GALNT18: variants seen among roughly 807,000 people sequenced by gnomAD.
GALNT18 encodes polypeptide N-acetylgalactosaminyltransferase 18, also known as GalNAc-transferase 18.
Under a neutral mutation model 69.5 loss-of-function variants are expected in GALNT18, and 44 were observed. The ratio of observed to expected loss-of-function variants is 0.63; its 90% CI spans 0.50 to 0.81. The LOEUF (loss-of-function observed/expected upper bound fraction) is 0.81, where lower values mean the gene tolerates loss of function less well. Among genes scored for constraint, GALNT18 ranks in the 40% least tolerant of loss-of-function variants. GALNT18 has a pLI of 0.00. For missense variants in GALNT18, 715 were observed against 810.0 expected, an observed-to-expected ratio of 0.88 and a Z score of 1.42; for synonymous variants, 364 against 318.2, an observed-to-expected ratio of 1.14 and a Z score of -1.53.
intron 1 of GALNT18, among the ~76,000 whole-genome samples, chr11:11,501,646 T>C (rs1411132190): frequency 6.6e-6 from 1 of 152,160 alleles, no homozygotes; most frequent in East Asian, 1.9e-4. Context: ...CTACCTTGCC[T>C]GAGTTTGTGA....
At chr11:11,409,744 T>C (rs1244957752) in intron 3 of GALNT18, among the ~76,000 whole-genome samples, 2 of 152,160 alleles carry the variant, frequency 1.3e-5, no homozygotes, top group Non-Finnish European at 2.9e-5. Context: ...CAAATTACTA[T>C]GTGAGTTGGA....
chr11:11,471,390 G>A (rs969469623), intron 1 of GALNT18, among the ~76,000 whole-genome samples: 2 of 152,290 alleles, frequency 1.3e-5, no homozygotes, highest in Non-Finnish European at 1.5e-5. Flanking sequence ...AGTCATGTAG[G>A]ACTGGTCCAG....
rs11021847 is a variant in GALNT18, at chr11:11,421,608, C to T, written c.595+11013G>A. ...TGACAGGAAACAGAGGCAGGCCAAA[C>T]GCAGGACCAATGCAGAGAAGGTTGG... On this transcript the variant is annotated intron_variant, in intron 3 of 10. Coordinates refer to ENST00000227756, the MANE Select transcript of GALNT18 (RefSeq NM_198516.3). This position sits in a 1 kb window ranked among gnomAD's most constrained non-coding sequence, Gnocchi z 5.6. 0.072 allele frequency among the ~76,000 whole-genome samples: 10,900 copies of T among 152,058 alleles called. 585 individuals carry two copies. Among genetic ancestry groups the T allele is most frequent in the East Asian group, 0.18 (925 of 5,146 alleles).
At chr11:11,391,023 C>T (rs1044528341) in intron 3 of GALNT18, among the ~76,000 whole-genome samples, 1 of 152,178 alleles carries the variant, frequency 6.6e-6, no homozygotes, top group African/African-American at 2.4e-5. Flanking sequence ...AGTCTGAACT[C>T]CTTTGCTCCC....
chr11:11,360,353 G>T (rs568195824), intron 6 of GALNT18, among the ~76,000 whole-genome samples: 59 of 152,294 alleles, frequency 3.9e-4, no homozygotes, highest in African/African-American at 1.4e-3. Flanking sequence ...TCAGCCTTGC[G>T]TTTTGACCCT....
At chr11:11,388,704 T>C (rs1854110555) in intron 3 of GALNT18, among the ~76,000 whole-genome samples, 1 of 152,170 alleles carries the variant, frequency 6.6e-6, no homozygotes, top group Non-Finnish European at 1.5e-5. Context: ...AGGGCTGGTC[T>C]AACGCTCTGT....
At chr11:11,279,481 G>C (rs570857846) in intron 10 of GALNT18, among the ~76,000 whole-genome samples, 1 of 152,032 alleles carries the variant, frequency 6.6e-6, no homozygotes, top group Non-Finnish European at 1.5e-5. Flanking sequence ...TCTAGAACAC[G>C]ATTTATAAAA....
chr11:11,431,036 C>T (rs1855251599), intron 3 of GALNT18, among the ~76,000 whole-genome samples: 1 of 152,194 alleles, frequency 6.6e-6, no homozygotes. Flanking sequence ...ATTTCTCAGA[C>T]TCAATATCAG....
At chr11:11,502,918 A>G (rs1321365308) in intron 1 of GALNT18, among the ~76,000 whole-genome samples, 1 of 152,150 alleles carries the variant, frequency 6.6e-6, no homozygotes, top group Admixed American at 6.5e-5. Context: ...AAGCACAGTC[A>G]CTCATTTTCT....
chr11:11,584,169 T>C lies in GALNT18; in HGVS notation c.235+37190A>G, dbSNP rs1167360557. ...AGATTCCAGGGAACTTGGTTCCAAA[T>C]GGTAGGACAAGTGGGCCAGCGGCAA... is the stretch of plus-strand genomic sequence containing the variant. On this transcript the variant is annotated intron_variant, in intron 1 of 10. Coordinates refer to ENST00000227756, the MANE Select transcript of GALNT18 (RefSeq NM_198516.3). This position sits in a 1 kb window ranked among gnomAD's most constrained non-coding sequence, Gnocchi z 4.1. 6.6e-6 allele frequency among the ~76,000 whole-genome samples: 1 copy of C among 151,874 alleles called. No individual in the cohort carries two copies. Among genetic ancestry groups the C allele is most frequent in the Non-Finnish European group, 1.5e-5 (1 of 67,982 alleles).
chr11:11,366,260 C>A (rs1398028944), intron 6 of GALNT18, among the ~76,000 whole-genome samples: 1 of 152,144 alleles, frequency 6.6e-6, no homozygotes, highest in African/African-American at 2.4e-5. Context: ...GTTTTCTTAG[C>A]TTGCAACACA....
intron 3 of GALNT18, among the ~76,000 whole-genome samples, chr11:11,401,561 A>G (rs1854468042): frequency 1.3e-5 from 2 of 152,126 alleles, no homozygotes; most frequent in Admixed American, 6.6e-5. Flanking sequence ...CTGAGCATAC[A>G]CTCATCTTCT....
chr11:11,273,900 CTG>C (rs1316151047), intron 10 of GALNT18, among the ~76,000 whole-genome samples: 1 of 152,068 alleles, frequency 6.6e-6, no homozygotes, highest in African/African-American at 2.4e-5. Flanking sequence ...GTCAAGATGG[CTG>C]AATAGGAATA....
chr11:11,437,639 A>T (rs1855434010), intron 2 of GALNT18, among the ~76,000 whole-genome samples: 1 of 151,724 alleles, frequency 6.6e-6, no homozygotes, highest in South Asian at 2.1e-4. Flanking sequence ...GCCAAACCTC[A>T]TGCGCTATAG....
At chr11:11,357,334 G>C (rs1289889080) in intron 6 of GALNT18, among the ~76,000 whole-genome samples, 3 of 151,980 alleles carry the variant, frequency 2.0e-5, no homozygotes, top group African/African-American at 7.3e-5. Context: ...CTGCCTGCAA[G>C]CAGGCACTAG....
rs1169173396 is a variant in GALNT18 at position 11,358,930 on chromosome 11, T to A, written c.1092+13585A>T. Reference sequence around the variant, plus strand: ...CAGCTGGCTTGAGCCAACCATAACATTTAGAAGCAACTAGAAACTACAATC... The same window carrying A: ...CAGCTGGCTTGAGCCAACCATAACAATTAGAAGCAACTAGAAACTACAATC... On this transcript the variant is annotated intron_variant, in intron 6 of 10. Transcript: ENST00000227756. Among the ~76,000 whole-genome samples the A allele has an allele frequency of 5.8e-5, 8 of 139,000 alleles. 1 individual carries two copies. Among genetic ancestry groups the A allele is most frequent in the African/African-American group, 1.9e-4 (7 of 37,516 alleles). 91.2% of individuals were successfully genotyped at this position (139,000 alleles called of 152,430 possible).
rs890520166 is a variant in GALNT18, at chr11:11,541,981, C to T, written c.235+79378G>A. 6.6e-6 allele frequency among the ~76,000 whole-genome samples: 1 copy of T among 152,066 alleles called. No individual in the cohort carries two copies. Among genetic ancestry groups the T allele is most frequent in the Non-Finnish European group, 1.5e-5 (1 of 67,994 alleles). On this transcript the variant is annotated intron_variant, in intron 1 of 10. Transcript: ENST00000227756. This position sits in a 1 kb window ranked among gnomAD's most constrained non-coding sequence, Gnocchi z 4.8. ...GAGCCAAACCCAGGAGGAGCTTCAC[C>T]CCCACCCTTCAGAAGACCCCAGAGA...
chr11:11,389,484 G>A lies in GALNT18; in HGVS notation c.596-10220C>T, dbSNP rs933254584. 2.0e-5 allele frequency among the ~76,000 whole-genome samples: 3 copies of A among 152,186 alleles called. No individual in the cohort carries two copies. Among genetic ancestry groups the A allele is most frequent in the African/African-American group, 4.8e-5 (2 of 41,448 alleles). On this transcript the variant is annotated intron_variant, in intron 3 of 10. Transcript: ENST00000227756. This position sits in a 1 kb window ranked among gnomAD's most constrained non-coding sequence, Gnocchi z 4.3. Reference sequence around the variant, plus strand: ...GAAAATCCTGTAAAGTAAAGGTGGGGCAATGGACCAAACACTGTGAAATTA... The same window carrying A: ...GAAAATCCTGTAAAGTAAAGGTGGGACAATGGACCAAACACTGTGAAATTA...
At chr11:11,481,090 A>T (rs770615609) in intron 1 of GALNT18, among the ~76,000 whole-genome samples, 2 of 152,108 alleles carry the variant, frequency 1.3e-5, no homozygotes, top group Non-Finnish European at 2.9e-5. Flanking sequence ...GGAAACTCCA[A>T]TGGAATCCTG....
Sources: allele counts gnomAD v4.1 joint callset (sites outside exome capture counted in the v4.1 genomes callset), GRCh38; gene constraint gnomAD v4.1.1; non-coding constraint Gnocchi (gnomAD v3.1); transcripts MANE v1.5; gene names NCBI Gene and HGNC (gene_info 2026-07-23, HGNC 2026-07-21).